The following DNAH12 variants were observed in gnomAD, a reference collection of about 807,000 sequenced individuals.
DNAH12 encodes the protein dynein axonemal heavy chain 12.
Under a neutral mutation model 371.5 loss-of-function variants are expected in DNAH12, and 285 were observed. The observed-to-expected ratio is 0.77, with a 90% CI of 0.70 to 0.85. The LOEUF is 0.85. Among genes scored for constraint, DNAH12 ranks in the 40% least tolerant of loss-of-function variants. The probability of loss-of-function intolerance (pLI) is 0.00; values close to 1 mark genes in which losing one functional copy is unlikely to be tolerated. For missense variants in DNAH12, 3,611 were observed against 3,689.4 expected, an observed-to-expected ratio of 0.98 and a Z score of 0.55; for synonymous variants, 1,200 against 1,213.0, an observed-to-expected ratio of 0.99 and a Z score of 0.22.
intron 2 of DNAH12, among the ~76,000 whole-genome samples, chr3:57,533,359 A>C (rs967739501): frequency 6.6e-6 from 1 of 152,076 alleles, no homozygotes; most frequent in African/African-American, 2.4e-5. Context: ...TAAGACGCAA[A>C]ACAAATTTCC....
At chr3:57,547,576 G>C (rs1187239967), upstream of DNAH12, among the ~76,000 whole-genome samples, 1 of 152,092 alleles carries the variant, frequency 6.6e-6, no homozygotes, top group Non-Finnish European at 1.5e-5. Flanking sequence ...CTCATGAATA[G>C]TTTCCTAATT....
intron 19 of DNAH12, among the ~76,000 whole-genome samples, 179 bp downstream of exon 19, chr3:57,461,310 T>A (rs1207413930): frequency 6.6e-6 from 1 of 152,186 alleles, no homozygotes; most frequent in African/African-American, 2.4e-5. Context: ...TATATTTCTA[T>A]ATTAAATTTT....
At chr3:57,325,429 C>G (rs2061919740) in intron 62 of DNAH12, among the ~76,000 whole-genome samples, 1 of 152,228 alleles carries the variant, frequency 6.6e-6, no homozygotes, top group Admixed American at 6.5e-5. Flanking sequence ...AACCACTGTT[C>G]TGCAAACACC....
At chr3:57,474,003 T>G (rs920835521) in intron 13 of DNAH12, among the ~76,000 whole-genome samples, 1 of 152,134 alleles carries the variant, frequency 6.6e-6, no homozygotes, top group African/African-American at 2.4e-5. Flanking sequence ...AGTACCTGTA[T>G]AAAACCTACA....
intron 70 of DNAH12, among the ~76,000 whole-genome samples, chr3:57,298,234 T>G (rs2061274345): frequency 6.6e-6 from 1 of 152,148 alleles, no homozygotes; most frequent in South Asian, 2.1e-4. Context: ...CAGTCATACT[T>G]CCAGCCTGAG....
upstream of DNAH12, among the ~76,000 whole-genome samples, chr3:57,549,174 C>A (rs1307319318): frequency 3.3e-5 from 5 of 152,010 alleles, no homozygotes; most frequent in Admixed American, 6.6e-5. Flanking sequence ...TGCACTCCAG[C>A]CTGGGCAACA....
intron 2 of DNAH12, among the ~76,000 whole-genome samples, chr3:57,533,421 C>G (rs1159772228): frequency 6.6e-6 from 1 of 152,124 alleles, no homozygotes; most frequent in Non-Finnish European, 1.5e-5. Context: ...TCACCATAGC[C>G]AACAGGGCTG....
intron 12 of DNAH12, among the ~76,000 whole-genome samples, chr3:57,486,790 G>A (rs1407086211): frequency 1.3e-5 from 2 of 151,896 alleles, no homozygotes; most frequent in African/African-American, 4.8e-5. Flanking sequence ...ACTGCACTTC[G>A]GTCCGGGCAA....
intron 12 of DNAH12, among the ~76,000 whole-genome samples, chr3:57,487,867 GT>G (rs2066984573): frequency 1.2e-5 from 1 of 81,486 alleles, no homozygotes; most frequent in South Asian, 5.0e-4. Context: ...AACTTATAAA[GT>G]GTTTTTTTTT....
At position 57,408,502 on chromosome 3, in the gene DNAH12, C is replaced by A; in HGVS notation, c.6054G>T (p.Leu2018=). ...YDLKDTSKIT[L]VDIELIAAMG... is the part of the protein sequence containing the mutation. ...TTGCAGCAATCAGCTCTATGTCCAC[C>A]AGCGTGATTTTACTTGTGTCCTTAA... The change falls in exon 40 of 74, where the codon CTG becomes CTT. Residue 2018 remains leucine, a synonymous_variant. Transcript: ENST00000495027. 6.5e-7 allele frequency: 1 copy of A among 1,549,308 alleles called. No individual in the cohort carries two copies. The highest frequency in any genetic ancestry group is 8.7e-7 in the Non-Finnish European group (1 of 1,145,998).
At chr3:57,359,836 AT>A (rs1186130964) in intron 58 of DNAH12, among the ~76,000 whole-genome samples, 10 of 152,132 alleles carry the variant, frequency 6.6e-5, no homozygotes, top group Non-Finnish European at 1.5e-4. Context: ...GATTTTGACT[AT>A]TTTGGAGAGC....
intron 14 of DNAH12, among the ~76,000 whole-genome samples, 153 bp downstream of exon 14, chr3:57,472,393 A>G (rs2066391991): frequency 6.6e-6 from 1 of 152,192 alleles, no homozygotes; most frequent in Non-Finnish European, 1.5e-5. Context: ...GCTTGTCTTA[A>G]GCCTAGAGGG....
chr3:57,489,240 T>A (rs1478073005), intron 12 of DNAH12, among the ~76,000 whole-genome samples: 2 of 152,180 alleles, frequency 1.3e-5, no homozygotes, highest in Non-Finnish European at 2.9e-5. Context: ...TACAATCTTA[T>A]CATTATCATG....
At chr3:57,302,565 G>GTGTTTTTTTTTTT in intron 69 of DNAH12, among the ~76,000 whole-genome samples, 1 of 28,854 alleles carries the variant, frequency 3.5e-5, no homozygotes, top group South Asian at 1.8e-3. Context: ...ATATATATAT[G>GTGTTTTTTTTTTT]TATTTTTTTT....
At chr3:57,499,646 AAATATATAT>A (rs1385393090) in intron 11 of DNAH12, among the ~76,000 whole-genome samples, 5 of 32,054 alleles carry the variant, frequency 1.6e-4, no homozygotes, top group South Asian at 1.4e-3. Flanking sequence ...AAAAAAAAAA[AAATATATAT>A]ATATATATAT....
chr3:57,302,485 A>G (rs988868503), intron 69 of DNAH12, among the ~76,000 whole-genome samples: 2 of 140,176 alleles, frequency 1.4e-5, no homozygotes, highest in African/African-American at 5.3e-5. Flanking sequence ...ATACATAAAT[A>G]TAACTTTTGT....
At chr3:57,534,253 T>A (rs1456297293) in intron 2 of DNAH12, among the ~76,000 whole-genome samples, 1 of 152,206 alleles carries the variant, frequency 6.6e-6, no homozygotes, top group Non-Finnish European at 1.5e-5. Context: ...GTGATTGGTA[T>A]CAGCAATTCA....
chr3:57,532,331 G>T (rs558460328), intron 2 of DNAH12, among the ~76,000 whole-genome samples: 11 of 152,194 alleles, frequency 7.2e-5, no homozygotes, highest in African/African-American at 2.6e-4. Flanking sequence ...GTTTCTCCAG[G>T]ATTAGTTCCT....
chr3:57,327,291 T>C (rs1228454851), intron 62 of DNAH12, among the ~76,000 whole-genome samples: 7 of 151,690 alleles, frequency 4.6e-5, no homozygotes, highest in African/African-American at 1.7e-4. Context: ...TATTCCAAAA[T>C]TGACCACATA....
Sources: allele counts gnomAD v4.1 joint callset (sites outside exome capture counted in the v4.1 genomes callset), GRCh38; gene constraint gnomAD v4.1.1; transcripts MANE v1.5; gene names NCBI Gene and HGNC (gene_info 2026-07-23, HGNC 2026-07-21).